The following SORCS1 variants were observed in gnomAD, a reference collection of about 807,000 sequenced individuals.
The protein encoded by SORCS1 is VPS10 domain-containing receptor SorCS1.
SORCS1 carries 60 observed loss-of-function variants against 146.1 expected under a neutral mutation model. The ratio of observed to expected loss-of-function variants is 0.41; its 90% CI spans 0.33 to 0.51. SORCS1 has a LOEUF of 0.51. Among genes scored for constraint, SORCS1 ranks in the 20% least tolerant of loss-of-function variants. The probability of loss-of-function intolerance (pLI) is 0.21; values close to 1 mark genes in which losing one functional copy is unlikely to be tolerated. For synonymous variants in SORCS1, 637 were observed against 584.0 expected, an observed-to-expected ratio of 1.09 and a Z score of -1.31; for missense variants, 1,352 against 1,487.6, an observed-to-expected ratio of 0.91 and a Z score of 1.50.
chr10:106,750,758 A>AAAAG (rs1254948267), intron 5 of SORCS1, among the ~76,000 whole-genome samples: 3 of 134,030 alleles, frequency 2.2e-5, no homozygotes, highest in Non-Finnish European at 4.7e-5. Context: ...AAAAAAAAAA[A>AAAAG]AAAGAAAAGA....
intron 2 of SORCS1, among the ~76,000 whole-genome samples, chr10:106,863,587 A>ATT (rs1282860575): frequency 1.4e-4 from 19 of 137,076 alleles, no homozygotes; most frequent in African/African-American, 3.8e-4. Flanking sequence ...AATAGAGATG[A>ATT]TTTTTTTTTT....
Position 106,772,788 on chromosome 10 carries a change from C to T in SORCS1, c.885+3746G>A, listed in dbSNP as rs74525930. Among the ~76,000 whole-genome samples, 1,401 of 152,136 alleles carry T rather than the reference C, an allele frequency of 9.2e-3. 22 individuals carry two copies. Among genetic ancestry groups the T allele is most frequent in the African/African-American group, 0.032 (1,332 of 41,504 alleles). ...AAAACTCTTTGAGTCCCTTATAATG[C>T]CCACATCAAAAAGCCTCCACTGGGA... On this transcript the variant is annotated intron_variant, in intron 4 of 25. Transcript: ENST00000263054.
At chr10:106,627,823 C>G (rs1285641998) in intron 19 of SORCS1, among the ~76,000 whole-genome samples, 2 of 152,230 alleles carry the variant, frequency 1.3e-5, no homozygotes, top group Non-Finnish European at 2.9e-5. Flanking sequence ...GCTCTTGGCA[C>G]TGACACTGAC....
At position 106,987,834 on chromosome 10, in the gene SORCS1, C is replaced by G. The variant is rs1377395414; in HGVS notation, c.559-31254G>C. 2.6e-5 allele frequency among the ~76,000 whole-genome samples: 4 copies of G among 152,106 alleles called. No homozygotes were observed. In the South Asian group the frequency reaches 8.3e-4, roughly 31 times the overall value. Reference sequence around the variant, plus strand: ...TCAAGTTCTGTCTACTTTCTTAACCCTATTTTAAATAAGATAATAATTTTT... The same window carrying G: ...TCAAGTTCTGTCTACTTTCTTAACCGTATTTTAAATAAGATAATAATTTTT... On this transcript the variant is annotated intron_variant, in intron 1 of 25. Transcript: ENST00000263054.
chr10:106,992,979 G>C (rs1399362810), intron 1 of SORCS1, among the ~76,000 whole-genome samples: 1 of 151,834 alleles, frequency 6.6e-6, no homozygotes, highest in African/African-American at 2.4e-5. Flanking sequence ...TTACAGGCAT[G>C]CACCACCACG....
At chr10:107,125,189 A>T (rs1032797535) in intron 1 of SORCS1, among the ~76,000 whole-genome samples, 4 of 151,904 alleles carry the variant, frequency 2.6e-5, no homozygotes, top group African/African-American at 9.7e-5. Context: ...CTGATCTCAT[A>T]ATCTGCACGC....
At position 106,960,973 on chromosome 10, in the gene SORCS1, C is replaced by G. The variant is rs1427619721; in HGVS notation, c.559-4393G>C. On this transcript the variant is annotated intron_variant, in intron 1 of 25. Coordinates refer to ENST00000263054, the MANE Select transcript of SORCS1 (RefSeq NM_052918.5). The surrounding 1 kb of genome is among the most constrained non-coding windows in gnomAD (Gnocchi z 4.4). ...ATTCCATCAACTCTAGCCCTCACTC[C>G]TTCTGGATAGGGAGTTGAGAAACCA... is the stretch of plus-strand genomic sequence containing the variant. Among the ~76,000 whole-genome samples the G allele has an allele frequency of 6.6e-6, 1 of 152,176 alleles. No homozygotes were observed. Among genetic ancestry groups the G allele is most frequent in the Non-Finnish European group, 1.5e-5 (1 of 68,048 alleles).
chr10:106,940,752 C>T (rs781118984), intron 2 of SORCS1, among the ~76,000 whole-genome samples: 6 of 152,132 alleles, frequency 3.9e-5, no homozygotes, highest in Non-Finnish European at 5.9e-5. Flanking sequence ...GGTATGGTGG[C>T]ACATGGCTGT....
At chr10:106,610,236 G>A (rs1308084631) in intron 22 of SORCS1, among the ~76,000 whole-genome samples, 1 of 151,918 alleles carries the variant, frequency 6.6e-6, no homozygotes, top group Non-Finnish European at 1.5e-5. Context: ...ATAAGGAAGA[G>A]GATGGCCCTA....
chr10:107,023,250 C>T (rs1958232221), intron 1 of SORCS1, among the ~76,000 whole-genome samples: 1 of 152,128 alleles, frequency 6.6e-6, no homozygotes, highest in Non-Finnish European at 1.5e-5. Flanking sequence ...TAGTACACTG[C>T]TTTTTCACTG....
intron 1 of SORCS1, among the ~76,000 whole-genome samples, chr10:106,961,033 A>T (rs1229038162): frequency 2.0e-5 from 3 of 152,210 alleles, no homozygotes; most frequent in African/African-American, 7.2e-5. Flanking sequence ...AATGTCAATT[A>T]CATTCCTCCC....
At chr10:106,636,299 T>C (rs980510369) in intron 18 of SORCS1, among the ~76,000 whole-genome samples, 4 of 152,126 alleles carry the variant, frequency 2.6e-5, no homozygotes, top group African/African-American at 9.7e-5. Flanking sequence ...ACAATTGCTC[T>C]ACAAGATCCC....
intron 1 of SORCS1, among the ~76,000 whole-genome samples, chr10:107,096,567 A>C (rs1964557160): frequency 6.6e-6 from 1 of 152,158 alleles, no homozygotes; most frequent in African/African-American, 2.4e-5. Context: ...GCTGGAGTGC[A>C]GTGATGCAAT....
intron 1 of SORCS1, chr10:106,970,299 A>G (rs1274634138): frequency 2.3e-5 from 3 of 132,284 alleles, no homozygotes; most frequent in African/African-American, 8.8e-5. Flanking sequence ...CCTTGACTCT[A>G]TTATCCCCTT....
chr10:107,165,292 A>AGAGTGT (rs113141732), upstream of SORCS1, among the ~76,000 whole-genome samples: 1 of 142,718 alleles, frequency 7.0e-6, no homozygotes, highest in African/African-American at 2.7e-5. The surrounding 1 kb of genome is among the most constrained non-coding windows in gnomAD (Gnocchi z 4.0). Flanking sequence ...CTCGTGTGTG[A>AGAGTGT]GTGTGTGTGT....
At chr10:106,609,975 T>C (rs1384005618) in intron 22 of SORCS1, among the ~76,000 whole-genome samples, 1 of 152,150 alleles carries the variant, frequency 6.6e-6, no homozygotes, top group African/African-American at 2.4e-5. Flanking sequence ...AGAGCATAAG[T>C]CATCCTTCTT....
At chr10:106,628,959 G>C (rs1487509530) in intron 19 of SORCS1, among the ~76,000 whole-genome samples, 1 of 152,132 alleles carries the variant, frequency 6.6e-6, no homozygotes, top group Non-Finnish European at 1.5e-5. Context: ...CAAGGCACCC[G>C]GGGTAAGCAG....
chr10:106,814,127 G>A (rs1947617097), intron 3 of SORCS1, among the ~76,000 whole-genome samples: 1 of 152,090 alleles, frequency 6.6e-6, no homozygotes, highest in Non-Finnish European at 1.5e-5. Flanking sequence ...TGGGATCCTC[G>A]ATGTAGAATC....
At chr10:106,939,880 G>C (rs822078) in intron 2 of SORCS1, among the ~76,000 whole-genome samples, 25,670 of 152,136 alleles carry the variant, frequency 0.17, 3,043 homozygotes, top group East Asian at 0.38. Context: ...TTGAGCCATG[G>C]ATACTCGCTT....
Sources: gnomAD v4.1 joint callset for allele counts (sites outside exome capture counted in the v4.1 genomes callset) on GRCh38, gnomAD v4.1.1 for gene constraint, Gnocchi (gnomAD v3.1) non-coding constraint, MANE v1.5 for transcripts, NCBI Gene and HGNC (gene_info 2026-07-23, HGNC 2026-07-21) for gene names.